Variants in GPBP1 observed in about 807,000 individuals in gnomAD.
The protein encoded by GPBP1 is GC-rich promoter binding protein 1, also known as vasculin.
GPBP1 carries 13 observed loss-of-function variants against 56.5 expected under a neutral mutation model. The observed-to-expected ratio is 0.23, with a 90% CI of 0.15 to 0.37. GPBP1 has a LOEUF of 0.37. GPBP1 is among the 10% of genes least tolerant of loss of function. The pLI is 1.00. For synonymous variants in GPBP1, 204 were observed against 188.9 expected (o/e 1.08, Z -0.66); for missense variants, 477 against 572.3 (o/e 0.83, Z 1.70).
chr5:57,183,139 G>C (rs182406676), intron 2 of GPBP1, among the ~76,000 whole-genome samples: 1 of 152,114 alleles, frequency 6.6e-6, no homozygotes, highest in Non-Finnish European at 1.5e-5. Context: ...GCTGAAGCGG[G>C]TGGATCACCT....
chr5:57,197,778 T>C (rs1754831743), intron 2 of GPBP1, among the ~76,000 whole-genome samples: 1 of 152,182 alleles, frequency 6.6e-6, no homozygotes, highest in Non-Finnish European at 1.5e-5. Flanking sequence ...TTGCTAGTTA[T>C]TTCTTAAATT....
At chr5:57,220,962 TAATA>T (rs1214557130) in intron 3 of GPBP1, among the ~76,000 whole-genome samples, 3 of 152,248 alleles carry the variant, frequency 2.0e-5, no homozygotes, top group Admixed American at 6.5e-5. Flanking sequence ...TTTCTCTTTT[TAATA>T]TTGTTCTGAG....
chr5:57,245,313 C>T (rs765940786), intron 6 of GPBP1, among the ~76,000 whole-genome samples: 54 of 152,138 alleles, frequency 3.5e-4, no homozygotes, highest in Non-Finnish European at 4.9e-4. Context: ...ACCATACCGG[C>T]TTTATCTTTT....
At chr5:57,203,434 G>A (rs1413812431) in intron 2 of GPBP1, among the ~76,000 whole-genome samples, 2 of 152,116 alleles carry the variant, frequency 1.3e-5, no homozygotes, top group Admixed American at 6.6e-5. Context: ...GCAGGAGTTT[G>A]AGACCAGCCT....
At chr5:57,180,850 TCCTGCCTCAG>T (rs1203605476) in intron 2 of GPBP1, among the ~76,000 whole-genome samples, 1 of 152,096 alleles carries the variant, frequency 6.6e-6, no homozygotes, top group African/African-American at 2.4e-5. Context: ...CAAGCGATTT[TCCTGCCTCAG>T]CCTCTCAAGT....
intron 3 of GPBP1, among the ~76,000 whole-genome samples, chr5:57,217,606 C>T (rs974314261): frequency 3.3e-5 from 5 of 152,084 alleles, no homozygotes; most frequent in African/African-American, 1.2e-4. Flanking sequence ...AAAAACACAA[C>T]TACAAGTGGT....
At chr5:57,205,634 A>G (rs1459812746) in intron 2 of GPBP1, among the ~76,000 whole-genome samples, 1 of 148,942 alleles carries the variant, frequency 6.7e-6, no homozygotes, top group Non-Finnish European at 1.5e-5. Context: ...GGAGCGAAGT[A>G]GTATTTCATT....
intron 1 of GPBP1, among the ~76,000 whole-genome samples, chr5:57,174,601 C>G (rs941553810): frequency 1.3e-5 from 2 of 152,080 alleles, no homozygotes; most frequent in African/African-American, 2.4e-5. Context: ...CTGAGGGAGT[C>G]GAGGCCGAGT....
chr5:57,251,386 CTTATA>C (rs1461657747), intron 10 of GPBP1, among the ~76,000 whole-genome samples: 1 of 152,110 alleles, frequency 6.6e-6, no homozygotes, highest in Non-Finnish European at 1.5e-5. Context: ...GTGTATGTAT[CTTATA>C]TAAGTGGAAT....
intron 2 of GPBP1, among the ~76,000 whole-genome samples, chr5:57,179,858 A>G (rs1263614455): frequency 1.3e-5 from 2 of 152,060 alleles, no homozygotes; most frequent in African/African-American, 2.4e-5. Context: ...CTGCCTCCCA[A>G]TATGCTGGGA....
intron 2 of GPBP1, among the ~76,000 whole-genome samples, chr5:57,188,817 G>T (rs540143936): frequency 1.2e-4 from 19 of 152,184 alleles, no homozygotes; most frequent in African/African-American, 4.6e-4. Context: ...TCTCAGTATG[G>T]CTCCACCAGC....
rs543005934 is a variant in GPBP1, at chr5:57,229,230, C to CAAAAAAAAAAAAA, written c.64-1591_64-1579dup. 2.8e-4 allele frequency among the ~76,000 whole-genome samples: 22 copies of CAAAAAAAAAAAAA among 77,410 alleles called. 2 individuals carry two copies. Among genetic ancestry groups the CAAAAAAAAAAAAA allele is most frequent in the African/African-American group, 5.0e-4 (10 of 19,868 alleles). 50.8% of individuals were successfully genotyped at this position (77,410 alleles called of 152,430 possible). On this transcript the variant is annotated intron_variant, in intron 3 of 11. Coordinates refer to ENST00000506184, the MANE Select transcript of GPBP1 (RefSeq NM_022913.4). ...TGGGCGACAGAACAAGACTCCATCT[C>CAAAAAAAAAAAAA]AAAAAAAAAAAAAAAAAAAAAAAAA...
chr5:57,186,403 A>T (rs545157568), intron 2 of GPBP1, among the ~76,000 whole-genome samples: 2,722 of 147,412 alleles, frequency 0.018, 40 homozygotes, highest in Middle Eastern at 0.032. Context: ...AAAAAAAAAA[A>T]TTTTTTTTTC....
intron 3 of GPBP1, among the ~76,000 whole-genome samples, chr5:57,219,220 A>G (rs1208329766): frequency 6.6e-6 from 1 of 151,864 alleles, no homozygotes; most frequent in African/African-American, 2.4e-5. Flanking sequence ...TACTAAAAAT[A>G]CAAAAATTAG....
At chr5:57,185,295 G>C (rs831642) in intron 2 of GPBP1, among the ~76,000 whole-genome samples, 59,929 of 145,798 alleles carry the variant, frequency 0.41, 12,300 homozygotes, top group Middle Eastern at 0.46. Flanking sequence ...GAGTTTTGCT[G>C]TTGTTGCCCA....
intron 2 of GPBP1, among the ~76,000 whole-genome samples, chr5:57,207,530 A>C (rs564519658): frequency 2.4e-4 from 37 of 152,282 alleles, no homozygotes; most frequent in African/African-American, 7.7e-4. Context: ...CCCAGTGGGC[A>C]TGTGTTACAG....
At chr5:57,252,503 A>G (rs1376239616) in intron 10 of GPBP1, among the ~76,000 whole-genome samples, 2 of 151,766 alleles carry the variant, frequency 1.3e-5, no homozygotes, top group South Asian at 4.2e-4. Context: ...TGATCCCCCC[A>G]CCTCAGCCTA....
chr5:57,191,036 C>G (rs952983159), intron 2 of GPBP1, among the ~76,000 whole-genome samples: 2 of 151,794 alleles, frequency 1.3e-5, no homozygotes, highest in African/African-American at 2.4e-5. Context: ...TTGGCCTCCC[C>G]AAGTGCTGGG....
At chr5:57,250,919 ATTCT>A in intron 9 of GPBP1, 31 bp from the exon 10 acceptor site, 1 of 1,298,258 alleles carries the variant, frequency 7.7e-7, no homozygotes, top group Non-Finnish European at 1.1e-6. Context: ...TGTAGAACTC[ATTCT>A]TTTTTTTTTT....
Sources: allele counts gnomAD v4.1 joint callset (sites outside exome capture counted in the v4.1 genomes callset), GRCh38; gene constraint gnomAD v4.1.1; transcripts MANE v1.5; gene names NCBI Gene and HGNC (gene_info 2026-07-23, HGNC 2026-07-21).